VTI1A: variants seen among roughly 807,000 people sequenced by gnomAD.
VTI1A encodes the protein vesicle transport through interaction with t-SNAREs homolog 1A.
VTI1A carries 22 observed loss-of-function variants against 34.9 expected under a neutral mutation model. The ratio of observed to expected loss-of-function variants is 0.63; its 90% CI spans 0.45 to 0.90. The LOEUF is 0.90. VTI1A is among the 40% of genes least tolerant of loss of function. The pLI is 0.00. For missense variants in VTI1A, 268 were observed against 275.6 expected, an observed-to-expected ratio of 0.97 and a Z score of 0.20; for synonymous variants, 87 against 97.3, an observed-to-expected ratio of 0.89 and a Z score of 0.62.
At chr10:112,543,514 T>C (rs1019186976) in intron 5 of VTI1A, among the ~76,000 whole-genome samples, 5 of 152,252 alleles carry the variant, frequency 3.3e-5, no homozygotes, top group African/African-American at 1.2e-4. Flanking sequence ...TGCCCACTTT[T>C]TGATGGGGTT....
chr10:112,789,963 T>C (rs1302590417), intron 7 of VTI1A, among the ~76,000 whole-genome samples: 1 of 151,936 alleles, frequency 6.6e-6, no homozygotes, highest in Non-Finnish European at 1.5e-5. Flanking sequence ...TTTTTTTTTT[T>C]TTGGTGGTTG....
chr10:112,519,273 G>C (rs923482609), intron 3 of VTI1A, among the ~76,000 whole-genome samples: 1 of 152,078 alleles, frequency 6.6e-6, no homozygotes, highest in Non-Finnish European at 1.5e-5. Flanking sequence ...TAGCTGGTGC[G>C]GCTCCTCTCT....
intron 7 of VTI1A, among the ~76,000 whole-genome samples, chr10:112,715,509 G>C (rs906483536): frequency 6.6e-6 from 1 of 152,146 alleles, no homozygotes; most frequent in Non-Finnish European, 1.5e-5. Flanking sequence ...GGATAAGACA[G>C]CTGGATGAAC....
At chr10:112,574,279 T>G (rs1852252005) in intron 5 of VTI1A, among the ~76,000 whole-genome samples, 1 of 152,236 alleles carries the variant, frequency 6.6e-6, no homozygotes, top group South Asian at 2.1e-4. Flanking sequence ...AATATTTGAA[T>G]GCCACAAATT....
At chr10:112,688,319 A>T (rs1380810699) in intron 7 of VTI1A, among the ~76,000 whole-genome samples, 2 of 151,992 alleles carry the variant, frequency 1.3e-5, no homozygotes, top group East Asian at 3.9e-4. Context: ...ACTTTTTTTT[A>T]AAGAAAAGGA....
intron 5 of VTI1A, among the ~76,000 whole-genome samples, chr10:112,640,415 A>G (rs903739968): frequency 5.9e-5 from 9 of 152,176 alleles, no homozygotes; most frequent in Admixed American, 4.6e-4. Context: ...TTTTGCCCAT[A>G]GCTTGCCTCC....
chr10:112,717,054 G>A (rs7923254), intron 7 of VTI1A, among the ~76,000 whole-genome samples: 3 of 152,030 alleles, frequency 2.0e-5, no homozygotes, highest in Non-Finnish European at 4.4e-5. Flanking sequence ...AACAAGTGCC[G>A]TTGCACCTCT....
intron 5 of VTI1A, among the ~76,000 whole-genome samples, chr10:112,583,495 T>C (rs932049111): frequency 1.3e-5 from 2 of 152,250 alleles, no homozygotes; most frequent in African/African-American, 2.4e-5. Context: ...TACTAACTAT[T>C]CAAATGCCTT....
intron 7 of VTI1A, among the ~76,000 whole-genome samples, chr10:112,703,507 G>T (rs576825867): frequency 6.6e-6 from 1 of 151,834 alleles, no homozygotes; most frequent in African/African-American, 2.4e-5. Context: ...TGAAGGTTGC[G>T]GTGAGCCGAG....
At chr10:112,825,457 C>G in the VTI1A span, 6 of 152,234 alleles carry the variant, frequency 3.9e-5, no homozygotes, top group Non-Finnish European at 8.8e-5. Context: ...CTCTAGCCCC[C>G]CCCAGATCCA....
chr10:112,653,909 G>A (rs917038027), intron 5 of VTI1A, among the ~76,000 whole-genome samples: 5 of 152,152 alleles, frequency 3.3e-5, no homozygotes, highest in Admixed American at 3.3e-4. Context: ...CTCAGTTTTA[G>A]TGGTTCCCTA....
At chr10:112,665,694 T>C (rs1385787317) in intron 5 of VTI1A, among the ~76,000 whole-genome samples, 1 of 152,170 alleles carries the variant, frequency 6.6e-6, no homozygotes, top group Non-Finnish European at 1.5e-5. Flanking sequence ...GCGAACCTGA[T>C]AGAAGGATGA....
intron 3 of VTI1A, among the ~76,000 whole-genome samples, chr10:112,492,091 A>G (rs1848844117): frequency 6.6e-6 from 1 of 152,122 alleles, no homozygotes; most frequent in Non-Finnish European, 1.5e-5. Context: ...GCCTCCCTAG[A>G]CATAATGTTC....
chr10:112,723,023 C>G (rs943501863), intron 7 of VTI1A, among the ~76,000 whole-genome samples: 1 of 152,184 alleles, frequency 6.6e-6, no homozygotes, highest in African/African-American at 2.4e-5. Context: ...CACTTACTAG[C>G]TTTGTGACGT....
intron 3 of VTI1A, among the ~76,000 whole-genome samples, chr10:112,497,522 G>A (rs111274796): frequency 1.7e-3 from 258 of 152,144 alleles, no homozygotes; most frequent in African/African-American, 6.0e-3. Context: ...ACACACACAC[G>A]TACTCACAGC....
intron 5 of VTI1A, among the ~76,000 whole-genome samples, chr10:112,559,338 A>G (rs1321582336): frequency 6.6e-6 from 1 of 152,250 alleles, no homozygotes; most frequent in Admixed American, 6.5e-5. Context: ...CATACATAAT[A>G]ATGAATGCTT....
intron 7 of VTI1A, among the ~76,000 whole-genome samples, chr10:112,720,752 A>G (rs2133939255): frequency 6.6e-6 from 1 of 152,324 alleles, no homozygotes; most frequent in South Asian, 2.1e-4. Context: ...TACGGATATT[A>G]GTGGTCCCAG....
intron 7 of VTI1A, among the ~76,000 whole-genome samples, chr10:112,736,111 G>GTGTATATATATATATATATA (rs778802494): frequency 3.8e-4 from 44 of 116,190 alleles, no homozygotes; most frequent in African/African-American, 1.4e-3. Context: ...ATGTGTGTGT[G>GTGTATATATATATATATATA]TATATATATA....
intron 7 of VTI1A, among the ~76,000 whole-genome samples, chr10:112,765,219 G>GT (rs1228019062): frequency 2.1e-5 from 3 of 146,028 alleles, no homozygotes; most frequent in Non-Finnish European, 4.5e-5. Context: ...GTTTTGTTTT[G>GT]TTTTTTTGAG....
Sources: gnomAD v4.1 joint callset for allele counts (sites outside exome capture counted in the v4.1 genomes callset) on GRCh38, gnomAD v4.1.1 for gene constraint, MANE v1.5 for transcripts, NCBI Gene and HGNC (gene_info 2026-07-23, HGNC 2026-07-21) for gene names.